The following SND1 variants were observed in gnomAD, a reference collection of about 807,000 sequenced individuals.
The protein encoded by SND1 is staphylococcal nuclease and tudor domain containing 1, also known as staphylococcal nuclease domain-containing protein 1.
Under a neutral mutation model 121.7 loss-of-function variants are expected in SND1, and 38 were observed. The ratio of observed to expected loss-of-function variants is 0.31; its 90% CI spans 0.24 to 0.41. The LOEUF is 0.41. Ranked by LOEUF, SND1 falls within the 10% of genes least tolerant of loss-of-function variation. The pLI, the probability that SND1 is intolerant of heterozygous loss-of-function variation, is 1.00. For synonymous variants in SND1, 401 were observed against 447.4 expected, an observed-to-expected ratio of 0.90 and a Z score of 1.31; for missense variants, 868 against 1,184.6, an observed-to-expected ratio of 0.73 and a Z score of 3.92.
chr7:128,091,218 T>C (rs1793773315), intron 22 of SND1, among the ~76,000 whole-genome samples: 1 of 152,150 alleles, frequency 6.6e-6, no homozygotes, highest in Non-Finnish European at 1.5e-5. Flanking sequence ...GTTGTATTTG[T>C]ATTGCTCTTG....
intron 12 of SND1, among the ~76,000 whole-genome samples, chr7:127,874,621 G>GA (rs1410538773): frequency 1.3e-5 from 2 of 148,566 alleles, no homozygotes; most frequent in African/African-American, 2.5e-5. Flanking sequence ...TAGAGGAGCA[G>GA]AAAAAAAAAT....
At chr7:127,733,970 C>T (rs1042705455) in intron 10 of SND1, among the ~76,000 whole-genome samples, 4 of 151,930 alleles carry the variant, frequency 2.6e-5, no homozygotes, top group East Asian at 1.9e-4. Flanking sequence ...AATCTCTGAT[C>T]GGAATGTTCA....
intron 10 of SND1, among the ~76,000 whole-genome samples, chr7:127,735,573 A>G (rs1796760843): frequency 1.3e-5 from 2 of 152,022 alleles, no homozygotes; most frequent in Admixed American, 6.6e-5. Flanking sequence ...TATACCTTTA[A>G]TTTAAAAAAA....
intron 15 of SND1, among the ~76,000 whole-genome samples, chr7:127,975,587 T>C (rs1373865778): frequency 1.3e-5 from 2 of 152,050 alleles, no homozygotes; most frequent in Non-Finnish European, 2.9e-5. Flanking sequence ...GATTAAGATA[T>C]GGTGGAGAGG....
chr7:128,006,284 A>G (rs2116940783), intron 16 of SND1, among the ~76,000 whole-genome samples: 1 of 152,050 alleles, frequency 6.6e-6, no homozygotes, highest in African/African-American at 2.4e-5. Context: ...CAGTATCTTG[A>G]CTTTCACTTG....
intron 9 of SND1, among the ~76,000 whole-genome samples, chr7:127,712,273 C>T (rs1318318948): frequency 6.6e-6 from 1 of 152,134 alleles, no homozygotes; most frequent in African/African-American, 2.4e-5. Flanking sequence ...ATCCTCGTGC[C>T]TCAGCCTCCC....
At chr7:127,828,007 TTTTG>T (rs369259043) in intron 11 of SND1, among the ~76,000 whole-genome samples, 39 of 152,300 alleles carry the variant, frequency 2.6e-4, no homozygotes, top group African/African-American at 7.5e-4. Flanking sequence ...TAGCAAGTTT[TTTTG>T]TTTGTTTGAG....
intron 16 of SND1, among the ~76,000 whole-genome samples, chr7:128,072,782 C>T (rs559511912): frequency 3.3e-5 from 5 of 152,140 alleles, no homozygotes; most frequent in African/African-American, 7.2e-5. Context: ...TTTGTTCCAG[C>T]GCCCTGGGCA....
chr7:128,053,493 T>C (rs927189525), intron 16 of SND1, among the ~76,000 whole-genome samples: 3 of 151,898 alleles, frequency 2.0e-5, no homozygotes, highest in Non-Finnish European at 4.4e-5. Context: ...AGGCCAGAGA[T>C]TTCGGAAGGT....
Position 128,045,076 on chromosome 7 carries a change from C to T in SND1, c.1780-29426C>T, listed in dbSNP as rs554770478. On this transcript the variant is annotated intron_variant, in intron 16 of 23. Transcript: ENST00000354725. ...ATAGCGTGGAAACTAGAGGCAGATA[C>T]GAGCTGATGGGAGAAAAAAGCAAAA... 3.3e-5 allele frequency among the ~76,000 whole-genome samples: 5 copies of T among 152,158 alleles called. No homozygotes were observed. In the South Asian group the frequency reaches 8.3e-4, roughly 25 times the overall value.
At chr7:127,861,038 A>G (rs1011000641) in intron 12 of SND1, among the ~76,000 whole-genome samples, 6 of 152,200 alleles carry the variant, frequency 3.9e-5, no homozygotes, top group Admixed American at 2.6e-4. Context: ...GCTGGAGAAG[A>G]TTGGCTGTTT....
At chr7:128,047,392 G>A (rs1207427154) in intron 16 of SND1, among the ~76,000 whole-genome samples, 1 of 152,178 alleles carries the variant, frequency 6.6e-6, no homozygotes, top group Non-Finnish European at 1.5e-5. Context: ...TTTATACCAT[G>A]CCTGTGCTTT....
Position 128,085,683 on chromosome 7 carries a change from T to G in SND1, c.2235-28T>G. ...AGCCCAGAGTCCTCAGGGCTGTCTC[T>G]TGAGCTCTGCCCATGATGCCATTGC... On this transcript the variant is annotated intron_variant, in intron 19 of 23. Coordinates refer to ENST00000354725, the MANE Select transcript of SND1 (RefSeq NM_014390.4). This position sits in a 1 kb window ranked among gnomAD's most constrained non-coding sequence, Gnocchi z 4.4. The G allele has an allele frequency of 6.2e-7, 1 of 1,611,498 alleles. No individual in the cohort carries two copies.
chr7:127,718,842 T>G, intron 9 of SND1: 4 of 682,030 alleles, frequency 5.9e-6, no homozygotes, highest in Non-Finnish European at 7.2e-6. Context: ...ATTTCTCGTG[T>G]CTTGATTATA....
chr7:127,918,590 T>C (rs1800635772), intron 14 of SND1, among the ~76,000 whole-genome samples: 1 of 152,210 alleles, frequency 6.6e-6, no homozygotes, highest in Admixed American at 6.5e-5. Flanking sequence ...ACTGTGTTAT[T>C]CTTAACTATA....
chr7:127,901,538 G>A (rs907332454), intron 13 of SND1, among the ~76,000 whole-genome samples: 3 of 152,154 alleles, frequency 2.0e-5, no homozygotes, highest in Non-Finnish European at 2.9e-5. Flanking sequence ...CTGTGCTGCC[G>A]CAGGTTATTC....
chr7:128,030,839 C>A, intron 16 of SND1: 1 of 596,458 alleles, frequency 1.7e-6, no homozygotes, highest in Non-Finnish European at 2.8e-6. Context: ...CCCAACCCAC[C>A]CTCAAGGCAA....
At chr7:127,664,110 C>T (rs956039471) in intron 1 of SND1, among the ~76,000 whole-genome samples, 3 of 152,220 alleles carry the variant, frequency 2.0e-5, no homozygotes, top group Non-Finnish European at 4.4e-5. Flanking sequence ...GCTGCAGCCT[C>T]AGCCTGCCAG....
intron 12 of SND1, among the ~76,000 whole-genome samples, chr7:127,863,914 G>T (rs1040866341): frequency 6.6e-6 from 1 of 152,070 alleles, no homozygotes; most frequent in Non-Finnish European, 1.5e-5. Flanking sequence ...CCTGTCCTAG[G>T]TTATGTTGTG....
Sources: allele counts gnomAD v4.1 joint callset (sites outside exome capture counted in the v4.1 genomes callset), GRCh38; gene constraint gnomAD v4.1.1; non-coding constraint Gnocchi (gnomAD v3.1); transcripts MANE v1.5; gene names NCBI Gene and HGNC (gene_info 2026-07-23, HGNC 2026-07-21).